The following ATP2B2 variants were observed in gnomAD, a reference collection of about 807,000 sequenced individuals.
ATP2B2 encodes ATPase plasma membrane Ca2+ transporting 2.
Under a neutral mutation model 120.0 loss-of-function variants are expected in ATP2B2, and 15 were observed. The observed-to-expected ratio is 0.12, with a 90% CI of 0.08 to 0.19. The LOEUF is 0.19. Ranked by LOEUF, ATP2B2 falls within the 10% of genes least tolerant of loss-of-function variation. The probability of loss-of-function intolerance (pLI) is 1.00; values close to 1 mark genes in which losing one functional copy is unlikely to be tolerated. For missense variants in ATP2B2, 1,045 were observed against 1,719.8 expected (o/e 0.61, Z 6.94); for synonymous variants, 694 against 700.3 (o/e 0.99, Z 0.14).
rs2061655558 is a variant in ATP2B2 at position 10,385,654 on chromosome 3, A to T, written c.941-327T>A. Among the ~76,000 whole-genome samples, 3 of 152,280 alleles carry T rather than the reference A, an allele frequency of 2.0e-5. No individual in the cohort carries two copies. In the South Asian group the frequency reaches 6.2e-4, roughly 32 times the overall value. On this transcript the variant is annotated intron_variant, in intron 7 of 22. Transcript: ENST00000360273. The stretch of plus-strand genomic sequence containing the variant: ...CAGTCAAGAGAGTCCCCTGGAAGAG[A>T]GGGCTCCATGAAATGAGGAGATCTG...
intron 2 of ATP2B2, among the ~76,000 whole-genome samples, chr3:10,429,175 T>C (rs1425605434): frequency 2.0e-5 from 3 of 152,164 alleles, no homozygotes; most frequent in Non-Finnish European, 4.4e-5. Context: ...TCCCAGGCTC[T>C]GAGAGGCTCC....
At position 10,463,432 on chromosome 3, in the gene ATP2B2, A is replaced by G. The variant is rs144330636; in HGVS notation, c.-319-13570T>C. On this transcript the variant is annotated intron_variant, in intron 1 of 22. Transcript: ENST00000360273. Reference sequence around the variant, plus strand: ...AGATGGTAGGAATAACTTATGCCAAATGCATTCTTGCTGAGGGCCGGACAC... The same window carrying G: ...AGATGGTAGGAATAACTTATGCCAAGTGCATTCTTGCTGAGGGCCGGACAC... Among the ~76,000 whole-genome samples the G allele has an allele frequency of 2.6e-5, 4 of 152,354 alleles. No individual in the cohort carries two copies. In the East Asian group the frequency reaches 7.7e-4, roughly 29 times the overall value.
chr3:10,640,953 T>C (rs1185225153), intron 1 of ATP2B2, among the ~76,000 whole-genome samples: 1 of 152,212 alleles, frequency 6.6e-6, no homozygotes, highest in Non-Finnish European at 1.5e-5. Context: ...TCAGAGCCCC[T>C]TCAACATGGC....
chr3:10,655,543 A>C (rs748389940), intron 1 of ATP2B2, among the ~76,000 whole-genome samples: 2 of 147,534 alleles, frequency 1.4e-5, no homozygotes, highest in Non-Finnish European at 3.0e-5. Context: ...CAGCAGCATC[A>C]TCATTGCCTG....
chr3:10,647,447 T>C (rs905806863), intron 1 of ATP2B2, among the ~76,000 whole-genome samples: 9 of 152,206 alleles, frequency 5.9e-5, no homozygotes, highest in Non-Finnish European at 1.3e-4. Flanking sequence ...AAACTTGCCA[T>C]TGAAGAAGCC....
At chr3:10,577,550 C>T (rs908659518) in intron 2 of ATP2B2, among the ~76,000 whole-genome samples, 1 of 152,202 alleles carries the variant, frequency 6.6e-6, no homozygotes, top group Non-Finnish European at 1.5e-5. Context: ...GAAGCTCCAT[C>T]ATCCTCATTA....
chr3:10,655,064 G>A (rs1169013117), intron 1 of ATP2B2, among the ~76,000 whole-genome samples: 1 of 152,166 alleles, frequency 6.6e-6, no homozygotes, highest in East Asian at 1.9e-4. Context: ...TTTCCTACAA[G>A]CAGGAACTAG....
intron 5 of ATP2B2, among the ~76,000 whole-genome samples, chr3:10,398,831 TC>T (rs1160477820): frequency 1.3e-5 from 2 of 152,210 alleles, no homozygotes; most frequent in Non-Finnish European, 2.9e-5. Flanking sequence ...AATCTCCTGC[TC>T]CCATCCTCTG....
intron 3 of ATP2B2, among the ~76,000 whole-genome samples, chr3:10,518,616 G>C (rs956035873): frequency 6.6e-6 from 1 of 152,330 alleles, no homozygotes; most frequent in Admixed American, 6.5e-5. Flanking sequence ...CCAGCCAAGC[G>C]CCGCTGCGGC....
chr3:10,407,554 G>A (rs2062458150), intron 3 of ATP2B2, among the ~76,000 whole-genome samples: 1 of 152,220 alleles, frequency 6.6e-6, no homozygotes, highest in African/African-American at 2.4e-5. Flanking sequence ...GCCTGGCTCA[G>A]GCCTTAACTC....
intron 1 of ATP2B2, among the ~76,000 whole-genome samples, chr3:10,477,321 G>C (rs2065242116): frequency 6.6e-6 from 1 of 152,212 alleles, no homozygotes; most frequent in Admixed American, 6.5e-5. Flanking sequence ...CATAGCTGTA[G>C]CTTTTACAAG....
intron 22 of ATP2B2, among the ~76,000 whole-genome samples, chr3:10,335,017 G>C (rs1354694462): frequency 1.3e-5 from 2 of 152,226 alleles, no homozygotes; most frequent in Admixed American, 1.3e-4. Context: ...TGGGAGGAAA[G>C]ACAGACTTGT....
At chr3:10,629,922 T>C (rs1029115798) in intron 1 of ATP2B2, among the ~76,000 whole-genome samples, 1 of 152,208 alleles carries the variant, frequency 6.6e-6, no homozygotes, top group Admixed American at 6.5e-5. Context: ...CCTCTTAGTG[T>C]CTGATTGTAA....
At chr3:10,370,289 G>A (rs2061187446) in intron 12 of ATP2B2, among the ~76,000 whole-genome samples, 1 of 152,246 alleles carries the variant, frequency 6.6e-6, no homozygotes. Context: ...TGCCCACATG[G>A]CTGAAGCCCG....
At chr3:10,461,938 C>T (rs1559367126) in intron 1 of ATP2B2, among the ~76,000 whole-genome samples, 1 of 152,254 alleles carries the variant, frequency 6.6e-6, no homozygotes, top group East Asian at 1.9e-4. Context: ...CGTCCCTGCC[C>T]ACGGCTGATG....
upstream of ATP2B2, among the ~76,000 whole-genome samples, chr3:10,507,721 C>T (rs1274306128): frequency 6.6e-6 from 1 of 152,192 alleles, no homozygotes. Context: ...GCACACTTTA[C>T]AGTTTGTAAA....
rs1432640381 is a variant in ATP2B2, at chr3:10,375,041, T to G, written c.1416+389A>C. On this transcript the variant is annotated intron_variant, in intron 11 of 22. Coordinates refer to ENST00000360273, the MANE Select transcript of ATP2B2 (RefSeq NM_001001331.4). This position sits in a 1 kb window ranked among gnomAD's most constrained non-coding sequence, Gnocchi z 4.2. The stretch of plus-strand genomic sequence containing the variant: ...GGATGAATTCTGGCTTGCACGGTGA[T>G]GTCTTTATTATTTTTTTAAAATTTT... Among the ~76,000 whole-genome samples the G allele has an allele frequency of 6.6e-6, 1 of 152,192 alleles. No homozygotes were observed. The highest frequency in any genetic ancestry group is 1.5e-5 in the Non-Finnish European group (1 of 68,032).
At position 10,635,289 on chromosome 3, in the gene ATP2B2, G is replaced by A. The variant is rs943031361; in HGVS notation, c.-459-15328C>T. On this transcript the variant is annotated intron_variant, in intron 1 of 21. Coordinates refer to the ATP2B2 transcript ENST00000646379. The surrounding 1 kb of genome is among the most constrained non-coding windows in gnomAD (Gnocchi z 4.3). ...AACCCATAACATTCAACATAGTCAC[G>A]GGATTTGCCTGAAGCCCCGGGTTTG... 4.6e-5 allele frequency among the ~76,000 whole-genome samples: 7 copies of A among 152,096 alleles called. No homozygotes were observed. The highest frequency in any genetic ancestry group is 7.2e-5 in the African/African-American group (3 of 41,400).
chr3:10,480,787 C>T (rs1050808091), intron 1 of ATP2B2, among the ~76,000 whole-genome samples: 45 of 152,372 alleles, frequency 3.0e-4, no homozygotes, highest in African/African-American at 1.1e-3. Flanking sequence ...CCCACTACAA[C>T]CCCTTCTGCA....
Sources: gnomAD v4.1 joint callset for allele counts (sites outside exome capture counted in the v4.1 genomes callset) on GRCh38, gnomAD v4.1.1 for gene constraint, Gnocchi (gnomAD v3.1) non-coding constraint, MANE v1.5 for transcripts, NCBI Gene and HGNC (gene_info 2026-07-23, HGNC 2026-07-21) for gene names.